Variants in FRAS1 observed in about 807,000 individuals in gnomAD.
The protein encoded by FRAS1 is extracellular matrix organizing protein FRAS1.
FRAS1 carries 290 observed loss-of-function variants against 435.2 expected under a neutral mutation model. The observed-to-expected ratio is 0.67, with a 90% confidence interval of 0.61 to 0.73. FRAS1 has a LOEUF of 0.73. Ranked by LOEUF, FRAS1 falls within the 30% of genes least tolerant of loss-of-function variation. The pLI is 0.00. For missense variants in FRAS1, 4,860 were observed against 5,001.5 expected, an observed-to-expected ratio of 0.97 and a Z score of 0.85; for synonymous variants, 1,800 against 1,851.0, an observed-to-expected ratio of 0.97 and a Z score of 0.71.
chr4:78,105,892 C>A (rs1194887605), intron 2 of FRAS1, among the ~76,000 whole-genome samples: 1 of 136,650 alleles, frequency 7.3e-6, no homozygotes, highest in Admixed American at 7.6e-5. Context: ...TGTGTGCGCG[C>A]ACCGTGCGCG....
At chr4:78,369,725 T>C in intron 22 of FRAS1, 113 bp from the exon 23 acceptor site, 2 of 835,968 alleles carry the variant, frequency 2.4e-6, no homozygotes, top group Non-Finnish European at 3.5e-6. Context: ...TAATGAAATG[T>C]AGAGCAGGTT....
At chr4:78,511,668 G>C in intron 64 of FRAS1, 162 bp downstream of exon 64, 1 of 687,994 alleles carries the variant, frequency 1.5e-6, no homozygotes, top group Non-Finnish European at 2.6e-6. Context: ...CTCAAGCTCG[G>C]GCCCCCTGCC....
intron 2 of FRAS1, among the ~76,000 whole-genome samples, chr4:78,189,846 A>G (rs1213680565): frequency 1.3e-5 from 2 of 152,160 alleles, no homozygotes; most frequent in African/African-American, 2.4e-5. Context: ...TTTACCTCAT[A>G]TAATTTTTGG....
intron 2 of FRAS1, among the ~76,000 whole-genome samples, chr4:78,080,968 T>C (rs1411571166): frequency 1.3e-5 from 2 of 152,200 alleles, no homozygotes; most frequent in African/African-American, 2.4e-5. Flanking sequence ...AGAAACACGA[T>C]CTGTCTGTCA....
At chr4:78,356,899 CAG>C (rs1250657615) in intron 20 of FRAS1, among the ~76,000 whole-genome samples, 9 of 151,956 alleles carry the variant, frequency 5.9e-5, no homozygotes, top group Admixed American at 1.3e-4. Context: ...CACACACAGA[CAG>C]AGAGAGAGAG....
chr4:78,139,184 G>A lies in FRAS1; in HGVS notation c.108+73168G>A, dbSNP rs561772579. On this transcript the variant is annotated intron_variant, in intron 2 of 73. Transcript: ENST00000512123. ...GTCACTAATGGTGGGGTAGTACAGC[G>A]CCAGCCTTGGGCAGGCTGACAGGCA... Among the ~76,000 whole-genome samples, 94 of 152,240 alleles carry A rather than the reference G, an allele frequency of 6.2e-4. 2 individuals are homozygous for A. The highest frequency in any genetic ancestry group is 2.2e-3 in the African/African-American group (91 of 41,550).
intron 47 of FRAS1, among the ~76,000 whole-genome samples, chr4:78,455,984 G>T (rs1325454371): frequency 6.6e-6 from 1 of 152,048 alleles, no homozygotes; most frequent in Non-Finnish European, 1.5e-5. Context: ...GGGGTGTGAG[G>T]TGGCTCAGTG....
intron 2 of FRAS1, among the ~76,000 whole-genome samples, chr4:78,206,302 G>A (rs1384900413): frequency 2.0e-5 from 3 of 152,056 alleles, no homozygotes; most frequent in Non-Finnish European, 4.4e-5. Context: ...TGGAGGAAGG[G>A]GCCGTGAGCC....
chr4:78,127,069 C>A (rs1398141764), intron 2 of FRAS1, among the ~76,000 whole-genome samples: 2 of 141,516 alleles, frequency 1.4e-5, no homozygotes, highest in Middle Eastern at 4.0e-3. Context: ...GTGAACCAGA[C>A]ATATGTAATC....
intron 2 of FRAS1, among the ~76,000 whole-genome samples, chr4:78,202,942 G>C (rs1416692337): frequency 1.3e-5 from 2 of 152,182 alleles, no homozygotes; most frequent in Non-Finnish European, 2.9e-5. Context: ...TCTTCTGACT[G>C]TGCATGGGGT....
rs150519665 is a variant in FRAS1 at position 78,066,916 on chromosome 4, A to G, written c.108+900A>G. 3.4e-3 allele frequency among the ~76,000 whole-genome samples: 517 copies of G among 152,288 alleles called. 4 individuals are homozygous for G. Among genetic ancestry groups the G allele is most frequent in the Non-Finnish European group, 5.2e-3 (357 of 68,020 alleles). ...ATATCCTTGAATCTGCACTTTATAT[A>G]CTGTAGTTACTGCTGGAGAAGTTTA... On this transcript the variant is annotated intron_variant, in intron 2 of 73. Transcript: ENST00000512123.
At chr4:78,216,809 G>A (rs1190393799) in intron 2 of FRAS1, among the ~76,000 whole-genome samples, 1 of 152,168 alleles carries the variant, frequency 6.6e-6, no homozygotes, top group Admixed American at 6.6e-5. Context: ...AATCTTAAGA[G>A]TGAGAGGAAG....
At chr4:78,197,991 G>A (rs556261775) in intron 2 of FRAS1, among the ~76,000 whole-genome samples, 1 of 151,416 alleles carries the variant, frequency 6.6e-6, no homozygotes, top group South Asian at 2.1e-4. Context: ...GCAGGACTAT[G>A]TAGCAGATGC....
At chr4:78,061,283 A>G (rs1024000093) in intron 1 of FRAS1, among the ~76,000 whole-genome samples, 1 of 152,254 alleles carries the variant, frequency 6.6e-6, no homozygotes, top group Admixed American at 6.5e-5. Flanking sequence ...TAATAAAATC[A>G]AGAAGTCACA....
chr4:78,527,920 G>A (rs371411038), intron 70 of FRAS1, among the ~76,000 whole-genome samples: 154 of 152,230 alleles, frequency 1.0e-3, no homozygotes, highest in African/African-American at 3.5e-3. Flanking sequence ...ATATTTGAGC[G>A]GGGCAAGGGA....
intron 3 of FRAS1, among the ~76,000 whole-genome samples, chr4:78,240,451 C>A (rs1051852505): frequency 2.6e-5 from 4 of 152,290 alleles, no homozygotes; most frequent in East Asian, 1.9e-4. Context: ...GGAGAAACGA[C>A]TGCCATATTT....
intron 9 of FRAS1, among the ~76,000 whole-genome samples, chr4:78,274,093 T>C (rs147222746): frequency 0.031 from 4,749 of 152,336 alleles, 254 homozygotes; most frequent in African/African-American, 0.11. Flanking sequence ...TTTTCTAGTT[T>C]ATTTGCATAG....
intron 2 of FRAS1, among the ~76,000 whole-genome samples, chr4:78,113,519 TC>T (rs1368766933): frequency 6.6e-6 from 1 of 152,198 alleles, no homozygotes; most frequent in East Asian, 1.9e-4. Context: ...TGATCGCCAT[TC>T]TAACTGGTGT....
In FRAS1 at chr4:78,392,210, A is replaced by AC. The variant is rs560518197; in HGVS notation, c.3975+4513dup. ...TTATGCTGGTAAATTTCACCACACC[A>AC]CCCCACATGATTTTTTCCACAGTGT... On this transcript the variant is annotated intron_variant, in intron 29 of 73. Coordinates refer to ENST00000512123, the MANE Select transcript of FRAS1 (RefSeq NM_025074.7). Among the ~76,000 whole-genome samples, 101 of 152,076 alleles carry AC rather than the reference A, an allele frequency of 6.6e-4. No homozygotes were observed. The East Asian group carries it at 0.01, about 15-fold the overall frequency.
Sources: gnomAD v4.1 joint callset for allele counts (sites outside exome capture counted in the v4.1 genomes callset) on GRCh38, gnomAD v4.1.1 for gene constraint, MANE v1.5 for transcripts, NCBI Gene and HGNC (gene_info 2026-07-23, HGNC 2026-07-21) for gene names.